The following GSAP variants were observed in gnomAD, a reference collection of about 807,000 sequenced individuals.
GSAP encodes the protein gamma-secretase-activating protein.
GSAP carries 118 observed loss-of-function variants against 131.7 expected under a neutral mutation model. The observed-to-expected ratio is 0.90, with a 90% confidence interval of 0.77 to 1.04. The LOEUF (loss-of-function observed/expected upper bound fraction) is 1.04. Ranked by LOEUF, GSAP falls within the 50% of genes least tolerant of loss-of-function variation. GSAP has a pLI of 0.00. For synonymous variants in GSAP, 381 were observed against 363.4 expected, an observed-to-expected ratio of 1.05 and a Z score of -0.55; for missense variants, 1,019 against 1,013.2, an observed-to-expected ratio of 1.01 and a Z score of -0.08.
intron 19 of GSAP, among the ~76,000 whole-genome samples, chr7:77,344,856 CCTT>C (rs1268926677): frequency 6.6e-6 from 1 of 152,232 alleles, no homozygotes; most frequent in African/African-American, 2.4e-5. Context: ...CATTTCTAAT[CCTT>C]CTTTAACAAA....
intron 19 of GSAP, among the ~76,000 whole-genome samples, chr7:77,334,748 G>C (rs1789710940): frequency 6.6e-6 from 1 of 152,034 alleles, no homozygotes; most frequent in Non-Finnish European, 1.5e-5. Flanking sequence ...AACTCGAAAA[G>C]AGCTAATAAA....
intron 3 of GSAP, among the ~76,000 whole-genome samples, chr7:77,399,574 G>T (rs888790704): frequency 6.6e-6 from 1 of 152,118 alleles, no homozygotes; most frequent in East Asian, 1.9e-4. Flanking sequence ...GGTAGAAGAG[G>T]GTGAGGAAGG....
intron 26 of GSAP, among the ~76,000 whole-genome samples, chr7:77,319,369 T>C (rs1179612977): frequency 6.6e-6 from 1 of 152,274 alleles, no homozygotes; most frequent in Non-Finnish European, 1.5e-5. Flanking sequence ...ATCTCTCAGG[T>C]TGGCTACTAT....
At chr7:77,344,118 C>A (rs971402408) in intron 19 of GSAP, among the ~76,000 whole-genome samples, 2 of 152,168 alleles carry the variant, frequency 1.3e-5, no homozygotes, top group African/African-American at 2.4e-5. Context: ...GCGAAGGCCA[C>A]CGTGGTCATT....
chr7:77,384,060 T>G (rs1216463398), intron 6 of GSAP, among the ~76,000 whole-genome samples: 1 of 152,240 alleles, frequency 6.6e-6, no homozygotes, highest in Non-Finnish European at 1.5e-5. Context: ...TGTCTCATAA[T>G]TTGTAAAATG....
Position 77,326,237 on chromosome 7 carries a change from C to A in GSAP, c.1802G>T (p.Ser601Ile). The A allele has an allele frequency of 6.2e-7, 1 of 1,613,138 alleles. No homozygotes were observed. The highest frequency in any genetic ancestry group is 8.5e-7 in the Non-Finnish European group (1 of 1,179,452). ...RLTPLLQEED[S>I]HQRLLMGLMV... ...CAGCCCCATGAGCAGCCGCTGGTGG[C>A]TGTCTTCCTCCTGCAGGAGGGGTGT... The change falls in exon 23 of 31, where the codon AGC (serine) becomes ATC (isoleucine). Residue 601 changes from serine to isoleucine, a missense_variant. By Grantham distance (142) the Ser-to-Ile change is moderately radical. Transcript: ENST00000257626.
intron 27 of GSAP, 47 bp downstream of exon 27, chr7:77,314,323 G>A (rs1465060136): frequency 6.2e-7 from 1 of 1,606,532 alleles, no homozygotes; most frequent in South Asian, 1.1e-5. Flanking sequence ...TAGCCTTGGT[G>A]GTGCTCAGGC....
At chr7:77,410,196 G>A (rs541399027) in intron 1 of GSAP, among the ~76,000 whole-genome samples, 73 of 152,260 alleles carry the variant, frequency 4.8e-4, no homozygotes, top group Non-Finnish European at 8.1e-4. Context: ...GTTTTCATGG[G>A]AACATTAGGT....
At chr7:77,340,306 T>C (rs1790714343) in intron 19 of GSAP, among the ~76,000 whole-genome samples, 1 of 152,122 alleles carries the variant, frequency 6.6e-6, no homozygotes, top group South Asian at 2.1e-4. Context: ...ACCCAGGTGA[T>C]TAAAAAGCTT....
chr7:77,370,419 C>T (rs531285164), intron 12 of GSAP, among the ~76,000 whole-genome samples: 1 of 152,132 alleles, frequency 6.6e-6, no homozygotes, highest in Non-Finnish European at 1.5e-5. Context: ...TGAGAGAGTT[C>T]CATTGCACTC....
intron 9 of GSAP, 141 bp from the exon 10 acceptor site, chr7:77,377,048 T>C: frequency 1.5e-6 from 1 of 669,750 alleles, no homozygotes; most frequent in East Asian, 2.9e-5. Flanking sequence ...AAAATCAAAT[T>C]GTTCTTATAA....
At chr7:77,385,818 G>T (rs1798483542) in intron 6 of GSAP, among the ~76,000 whole-genome samples, 1 of 152,230 alleles carries the variant, frequency 6.6e-6, no homozygotes, top group Non-Finnish European at 1.5e-5. Flanking sequence ...GGCCCATAGG[G>T]TGGAGGCTGG....
At chr7:77,396,068 GATAA>G (rs1800328332) in intron 5 of GSAP, among the ~76,000 whole-genome samples, 1 of 152,182 alleles carries the variant, frequency 6.6e-6, no homozygotes, top group African/African-American at 2.4e-5. Flanking sequence ...GACTTCCCTT[GATAA>G]ATTGAAAAGC....
At chr7:77,352,339 T>C (rs960150095) in intron 18 of GSAP, among the ~76,000 whole-genome samples, 1 of 152,250 alleles carries the variant, frequency 6.6e-6, no homozygotes, top group Non-Finnish European at 1.5e-5. Context: ...ACAGCCTATG[T>C]ACGGTTTTCA....
intron 14 of GSAP, 29 bp downstream of exon 14, chr7:77,360,795 G>A (rs757317289): frequency 8.5e-7 from 1 of 1,177,482 alleles, no homozygotes; most frequent in Non-Finnish European, 1.3e-6. Flanking sequence ...AGTGTTCAGA[G>A]CAGGGGGTGT....
chr7:77,416,375 G>C, upstream of GSAP: 1 of 937,676 alleles, frequency 1.1e-6, no homozygotes, highest in Non-Finnish European at 1.5e-6. Context: ...GGGCATTCCC[G>C]GCCCCGCGTG....
chr7:77,382,865 T>TAC (rs1798001865), intron 6 of GSAP, among the ~76,000 whole-genome samples: 1 of 152,106 alleles, frequency 6.6e-6, no homozygotes, highest in Non-Finnish European at 1.5e-5. Flanking sequence ...TGATCTCAAA[T>TAC]ACAACACTAT....
At chr7:77,411,331 C>T (rs1254945932) in intron 1 of GSAP, among the ~76,000 whole-genome samples, 1 of 152,128 alleles carries the variant, frequency 6.6e-6, no homozygotes. Context: ...ACATCCTTTC[C>T]AGTCTTAAAT....
intron 19 of GSAP, among the ~76,000 whole-genome samples, chr7:77,342,608 C>T (rs1216140435): frequency 6.6e-6 from 1 of 152,076 alleles, no homozygotes; most frequent in Non-Finnish European, 1.5e-5. Flanking sequence ...ATCTCTACTC[C>T]CCCCTTGGCG....
Sources: gnomAD v4.1 joint callset for allele counts (sites outside exome capture counted in the v4.1 genomes callset) on GRCh38, gnomAD v4.1.1 for gene constraint, MANE v1.5 for transcripts, NCBI Gene and HGNC (gene_info 2026-07-23, HGNC 2026-07-21) for gene names.